The following KLK14 variants were observed in gnomAD, a reference collection of about 807,000 sequenced individuals.
The protein encoded by KLK14 is kallikrein related peptidase 14, also known as kallikrein-14.
Under a neutral mutation model 24.6 loss-of-function variants are expected in KLK14, and 21 were observed. The ratio of observed to expected loss-of-function variants is 0.85; its 90% CI spans 0.61 to 1.23. The LOEUF is 1.23. KLK14 is among the 50% of genes most tolerant of loss of function. The probability of loss-of-function intolerance (pLI) is 0.00; values close to 1 mark genes in which losing one functional copy is unlikely to be tolerated. For synonymous variants in KLK14, 133 were observed against 139.7 expected (o/e 0.95, Z 0.34); for missense variants, 320 against 338.9 (o/e 0.94, Z 0.44).
Position 51,082,628 on chromosome 19 carries a change from G to A in KLK14, c.-14C>T, listed in dbSNP as rs1302584068. ...CAGGAGGAACATTTTAGGGGCTGAGGGCCAGGTCCTGTCAAATGCAGAGAA... is the reference window on the plus strand; with the variant it reads ...CAGGAGGAACATTTTAGGGGCTGAGAGCCAGGTCCTGTCAAATGCAGAGAA... On this transcript the variant is annotated 5_prime_UTR_variant, in exon 2 of 6. Transcript: ENST00000650543. 6.2e-7 allele frequency: 1 copy of A among 1,614,116 alleles called. No homozygotes were observed. Among genetic ancestry groups the A allele is most frequent in the Non-Finnish European group, 8.5e-7 (1 of 1,180,028 alleles).
At chr19:51,082,900 C>G (rs942969653), upstream of KLK14, 214 of 813,452 alleles carry the variant, frequency 2.6e-4, 1 homozygote, top group Non-Finnish European at 4.0e-4. Flanking sequence ...CCTAGTCACA[C>G]TGGCAAAGCC....
rs768713989 is a variant in KLK14, at chr19:51,079,536, C to T, written c.379G>A (p.Val127Ile). Residue 127 changes from valine to isoleucine, a missense_variant, in exon 4 of 6, where the codon GTC becomes ATC. Transcript: ENST00000650543. The part of the protein sequence containing the change: ...LQQPARIGRA[V>I]RPIEVTQACA... ...GCCTGGGTGACCTCAATGGGCCTGA[C>T]TGCCCTCCCGATCCGTGCGGGCTGC... 3 of 1,613,958 alleles carry T rather than the reference C, an allele frequency of 1.9e-6. No individual in the cohort carries two copies.
Position 51,079,465 on chromosome 19 carries a change from A to G in KLK14, c.450T>C (p.Thr150=). 1 of 1,612,734 alleles carries G rather than the reference A, an allele frequency of 6.2e-7. No individual in the cohort carries two copies. The highest frequency in any genetic ancestry group is 8.5e-7 in the Non-Finnish European group (1 of 1,179,518). Residue 150 remains threonine, a synonymous_variant, in exon 4 of 6, where the codon ACT becomes ACC. Transcript: ENST00000650543. ...AGTCCTCACCGATGGGGCTGGATAT[A>G]GTTCCCCAGCCTGACACTCGGCAGG... The part of the protein sequence containing the change: ...GTSCRVSGWG[T]ISSPIARYPA...
intron 3 of KLK14, among the ~76,000 whole-genome samples, chr19:51,080,799 G>C (rs1417165276): frequency 6.6e-6 from 1 of 152,068 alleles, no homozygotes; most frequent in Non-Finnish European, 1.5e-5. Flanking sequence ...TCAGCCTCCC[G>C]AGTGGCTGGG....
chr19:51,079,610 T>G lies in KLK14; in HGVS notation c.305A>C (p.Asn102Thr), dbSNP rs114996970. The change falls in exon 4 of 6, where the codon AAC (asparagine) becomes ACC (threonine). Residue 102 changes from asparagine to threonine, a missense_variant. Asn to Thr is a moderately conservative substitution (Grantham distance 65). Transcript: ENST00000650543. ...GTTGTCGTGGGTCCGGGAGTTGTAG[T>G]TGGGGTGCGTCACCTGACGAACCAC... Reference protein sequence around the residue: ...LRVVRQVTHPNYNSRTHDNDL... With the variant: ...LRVVRQVTHPTYNSRTHDNDL... The G allele has an allele frequency of 1.2e-6, 2 of 1,613,292 alleles. No homozygotes were observed. The highest frequency in any genetic ancestry group is 1.3e-5 in the African/African-American group (1 of 74,914).
At position 51,081,437 on chromosome 19, in the gene KLK14, T is replaced by G. The variant is rs2091838447; in HGVS notation, c.212+95A>C. On this transcript the variant is annotated intron_variant, in intron 3 of 5. Transcript: ENST00000650543. Reference sequence around the variant, plus strand: ...TCAAACCAGGAGCCAGCCACTACATTGGGTTCTATACAGAGATCCAGGTTC... The same window carrying G: ...TCAAACCAGGAGCCAGCCACTACATGGGGTTCTATACAGAGATCCAGGTTC... 9 of 1,169,690 alleles carry G rather than the reference T, an allele frequency of 7.7e-6. 1 individual carries two copies. In the South Asian group the frequency reaches 2.2e-4, roughly 29 times the overall value. The allele number at this position is 1,169,690 out of a possible 1,614,324, so 72.5% of individuals were successfully genotyped here.
rs78227838 is a variant in KLK14 at position 51,078,227 on chromosome 19, C to A, written c.604-68G>T. The A allele has an allele frequency of 7.1e-4, 1,085 of 1,525,174 alleles. 7 individuals are homozygous for A. In the African/African-American group the frequency reaches 0.013, roughly 18 times the overall value. 94.5% of individuals were successfully genotyped at this position (1,525,174 alleles called of 1,614,324 possible). A position where few individuals can be genotyped will look rare whatever the true frequency, so the allele number is the denominator to read the frequency against. On this transcript the variant is annotated intron_variant, in intron 5 of 5. Transcript: ENST00000650543. The surrounding 1 kb of genome is among the most constrained non-coding windows in gnomAD (Gnocchi z 5.0). ...GCCAGAGCCACCATGGCACAGAGAA[C>A]CCGAGAAGCAGACACAGGGAGACAG...
upstream of KLK14, among the ~76,000 whole-genome samples, chr19:51,083,440 C>CAGAG (rs556104708): frequency 2.1e-3 from 302 of 141,634 alleles, 3 homozygotes; most frequent in African/African-American, 7.6e-3. Flanking sequence ...CAGAGAGACA[C>CAGAG]AGAGAGAGAG....
intron 3 of KLK14, among the ~76,000 whole-genome samples, chr19:51,080,148 A>C (rs1400652895): frequency 6.6e-6 from 1 of 152,008 alleles, no homozygotes; most frequent in African/African-American, 2.4e-5. Context: ...AGGATTCTAG[A>C]TCGAACCTGG....
Position 51,078,926 on chromosome 19 carries a change from G to C in KLK14, c.492C>G (p.Cys164Trp), listed in dbSNP as rs377230129. 13 of 1,613,870 alleles carry C rather than the reference G, an allele frequency of 8.1e-6. 1 individual carries two copies. Among genetic ancestry groups the C allele is most frequent in the South Asian group, 5.5e-5 (5 of 91,094 alleles). ...PIARYPASLQ[C>W]VNINISPDEV... ...CATCCGGGGAGATGTTGATGTTCACGCATTGCAGAGAGGCGGGGTACCTGG... is the reference window on the plus strand; with the variant it reads ...CATCCGGGGAGATGTTGATGTTCACCCATTGCAGAGAGGCGGGGTACCTGG... Residue 164 changes from cysteine (C) to tryptophan (W), a missense_variant, in exon 5 of 6, where the codon TGC (cysteine) becomes TGG (tryptophan). Physicochemically the swap from Cys to Trp is radical, Grantham distance 215. Transcript: ENST00000650543. This position sits in a 1 kb window ranked among gnomAD's most constrained non-coding sequence, Gnocchi z 5.0.
Position 51,082,747 on chromosome 19 carries a change from T to C in KLK14, c.-48A>G, listed in dbSNP as rs763157901. 1.9e-6 allele frequency: 3 copies of C among 1,613,422 alleles called. No homozygotes were observed. The highest frequency in any genetic ancestry group is 2.2e-5 in the East Asian group (1 of 44,846). ...CCAGAGCCCAAGACCCTCAGGGACA[T>C]GAAGACACAGCAGAGAGGTAGGGAC... On this transcript the variant is annotated 5_prime_UTR_variant, in exon 1 of 6. The change abolishes an upstream ATG in the 5' untranslated region. Coordinates refer to ENST00000650543, the MANE Select transcript of KLK14 (RefSeq NM_001369775.2).
At position 51,078,200 on chromosome 19, in the gene KLK14, TA is replaced by T; in HGVS notation, c.604-42del. ...AGAAATGGAGACACTGATGGACAGG[TA>T]GCCAGAGCCACCATGGCACAGAGAA... On this transcript the variant is annotated intron_variant, in intron 5 of 5. Transcript: ENST00000650543. The surrounding 1 kb of genome is among the most constrained non-coding windows in gnomAD (Gnocchi z 5.0). 6 of 1,600,568 alleles carry T rather than the reference TA, an allele frequency of 3.7e-6. No homozygotes were observed. The highest frequency in any genetic ancestry group is 5.1e-6 in the Non-Finnish European group (6 of 1,172,984).
chr19:51,082,638 T>C lies in KLK14; in HGVS notation c.-22-2A>G, dbSNP rs763039574. ...ATTTTAGGGGCTGAGGGCCAGGTCC[T>C]GTCAAATGCAGAGAAAAAGTGAGAG... On this transcript the variant is annotated splice_acceptor_variant, in intron 1 of 5. Coordinates refer to ENST00000650543, the MANE Select transcript of KLK14 (RefSeq NM_001369775.2). LOFTEE classifies it low-confidence loss of function (5UTR_SPLICE). 8 of 1,614,148 alleles carry C rather than the reference T, an allele frequency of 5.0e-6. 1 individual carries two copies. In the South Asian group the frequency reaches 8.8e-5, roughly 18 times the overall value.
chr19:51,081,506 C>G (rs914094149), intron 3 of KLK14, 26 bp downstream of exon 3: 1 of 1,480,824 alleles, frequency 6.8e-7, no homozygotes, highest in Non-Finnish European at 9.0e-7. Context: ...TCACTAGGTA[C>G]AGGGACAGGG....
chr19:51,081,060 C>T (rs2091836285), intron 3 of KLK14, among the ~76,000 whole-genome samples: 1 of 152,220 alleles, frequency 6.6e-6, no homozygotes, highest in South Asian at 2.1e-4. Context: ...GTGAAACAGC[C>T]TCCAGGTTTT....
Position 51,078,061 on chromosome 19 carries a change from G to A in KLK14, c.702C>T (p.Tyr234=). The part of the protein sequence containing the change: ...RCALPGYPGV[Y]TNLCKYRSWI... ...AGCTTCTGTACTTGCACAGGTTGGT[G>A]TAGACACCGGGGTAGCCAGGCAGGG... The change falls in exon 6 of 6, where the codon TAC becomes TAT. Residue 234 remains tyrosine (Y), a synonymous_variant. Transcript: ENST00000650543. The surrounding 1 kb of genome is among the most constrained non-coding windows in gnomAD (Gnocchi z 5.0). 6.2e-7 allele frequency: 1 copy of A among 1,614,018 alleles called. No homozygotes were observed. The highest frequency in any genetic ancestry group is 8.5e-7 in the Non-Finnish European group (1 of 1,179,904).
Position 51,082,835 on chromosome 19 carries a change from G to C in KLK14, c.-136C>G. 7.0e-7 allele frequency: 1 copy of C among 1,435,214 alleles called. No individual in the cohort carries two copies. The highest frequency in any genetic ancestry group is 1.2e-5 in the South Asian group (1 of 83,298). 88.9% of individuals were successfully genotyped at this position (1,435,214 alleles called of 1,614,324 possible). ...CGGCAGGTGGGAGGATGTGGAGCAG[G>C]GCACAGGTCCCTCCTTGATGTCTTG... On this transcript the variant is annotated 5_prime_UTR_variant, in exon 1 of 6. Coordinates refer to ENST00000650543, the MANE Select transcript of KLK14 (RefSeq NM_001369775.2).
intron 3 of KLK14, among the ~76,000 whole-genome samples, chr19:51,081,244 C>T (rs1415876467): frequency 6.6e-6 from 1 of 152,144 alleles, no homozygotes; most frequent in Non-Finnish European, 1.5e-5. Context: ...AGCTTGGTCT[C>T]GATGTAATGT....
rs931036078 is a variant in KLK14, at chr19:51,079,309, C to G, written c.466+140G>C. ...AGACCCAGGAGTCCAGGCCTCAGCCCCCTCCTCCCTCAGACCCAGGAGTCC... is the reference window on the plus strand; with the variant it reads ...AGACCCAGGAGTCCAGGCCTCAGCCGCCTCCTCCCTCAGACCCAGGAGTCC... On this transcript the variant is annotated intron_variant, in intron 4 of 5. Coordinates refer to ENST00000650543, the MANE Select transcript of KLK14 (RefSeq NM_001369775.2). The G allele has an allele frequency of 3.4e-6, 3 of 889,768 alleles. No individual in the cohort carries two copies. The African/African-American group carries it at 5.3e-5, about 16-fold the overall frequency. The allele number at this position is 889,768 out of a possible 1,614,324, so 55.1% of individuals were successfully genotyped here.
Sources: allele counts gnomAD v4.1 joint callset (sites outside exome capture counted in the v4.1 genomes callset), GRCh38; gene constraint gnomAD v4.1.1; non-coding constraint Gnocchi (gnomAD v3.1); transcripts MANE v1.5; gene names NCBI Gene and HGNC (gene_info 2026-07-23, HGNC 2026-07-21).